Variants in C1QTNF7 observed in about 807,000 individuals in gnomAD.
The protein encoded by C1QTNF7 is C1q and TNF related 7.
A neutral mutation model predicts 19.6 loss-of-function variants in C1QTNF7; 15 were observed. That is an observed-to-expected ratio of 0.76 (90% CI 0.51 to 1.18). The LOEUF (loss-of-function observed/expected upper bound fraction) is 1.18. Among genes scored for constraint, C1QTNF7 ranks in the 50% most tolerant of loss-of-function variants. The probability of loss-of-function intolerance (pLI) is 0.00; values close to 1 mark genes in which losing one functional copy is unlikely to be tolerated. For synonymous variants in C1QTNF7, 142 were observed against 137.5 expected, an observed-to-expected ratio of 1.03 and a Z score of -0.23; for missense variants, 324 against 359.7, an observed-to-expected ratio of 0.90 and a Z score of 0.80.
intron 1 of C1QTNF7, among the ~76,000 whole-genome samples, chr4:15,416,177 C>T (rs1183250182): frequency 6.6e-6 from 1 of 152,170 alleles, no homozygotes; most frequent in Non-Finnish European, 1.5e-5. Context: ...TATAAATGTG[C>T]CTGCTCTTTA....
chr4:15,432,919 C>T (rs542495893), intron 1 of C1QTNF7, among the ~76,000 whole-genome samples: 2 of 152,272 alleles, frequency 1.3e-5, no homozygotes, highest in South Asian at 2.1e-4. Context: ...TACTGAATAT[C>T]GTTTCTTCCA....
chr4:15,357,871 T>G (rs1717201498), intron 1 of C1QTNF7, among the ~76,000 whole-genome samples: 1 of 152,216 alleles, frequency 6.6e-6, no homozygotes. Context: ...TCACTCATGA[T>G]TTTCCTCTCT....
chr4:15,370,835 T>G (rs545290260), intron 1 of C1QTNF7, among the ~76,000 whole-genome samples: 9 of 152,328 alleles, frequency 5.9e-5, no homozygotes, highest in African/African-American at 2.2e-4. Flanking sequence ...TCATTGGCCC[T>G]CCAAACAATT....
chr4:15,423,642 G>C (rs1026236285), upstream of C1QTNF7, among the ~76,000 whole-genome samples: 1 of 152,124 alleles, frequency 6.6e-6, no homozygotes, highest in Non-Finnish European at 1.5e-5. Context: ...AAAACCTCCC[G>C]TGGCCAACAG....
chr4:15,356,860 CT>C (rs1373645588), intron 1 of C1QTNF7, among the ~76,000 whole-genome samples: 2 of 150,394 alleles, frequency 1.3e-5, no homozygotes, highest in African/African-American at 2.4e-5. Context: ...TGATGATGAG[CT>C]TTTTTTCATG....
intron 1 of C1QTNF7, among the ~76,000 whole-genome samples, chr4:15,349,282 C>G (rs993175262): frequency 6.6e-6 from 1 of 152,160 alleles, no homozygotes; most frequent in African/African-American, 2.4e-5. Context: ...ACACTCCTTC[C>G]TCTCTCTTCA....
chr4:15,441,635 G>C (rs1410463004), intron 2 of C1QTNF7, among the ~76,000 whole-genome samples: 1 of 152,114 alleles, frequency 6.6e-6, no homozygotes, highest in Non-Finnish European at 1.5e-5. Flanking sequence ...AATTTGTCAG[G>C]ATTTAAATTA....
chr4:15,387,393 G>A (rs1381233627), intron 1 of C1QTNF7, among the ~76,000 whole-genome samples: 1 of 152,140 alleles, frequency 6.6e-6, no homozygotes, highest in Non-Finnish European at 1.5e-5. Context: ...GGCTAGACAA[G>A]ATCACCAAGG....
At chr4:15,374,842 C>A in intron 1 of C1QTNF7, 3 of 804,306 alleles carry the variant, frequency 3.7e-6, no homozygotes, top group Non-Finnish European at 4.5e-6. Context: ...TCTTTTGGCT[C>A]ATGTTGGTGT....
chr4:15,415,151 C>T (rs1258506297), intron 1 of C1QTNF7, among the ~76,000 whole-genome samples: 1 of 152,194 alleles, frequency 6.6e-6, no homozygotes, highest in Non-Finnish European at 1.5e-5. Flanking sequence ...ATCCAAGACT[C>T]TTTGCTTTCA....
At chr4:15,419,429 CAG>C (rs1711633759) in intron 1 of C1QTNF7, among the ~76,000 whole-genome samples, 1 of 152,020 alleles carries the variant, frequency 6.6e-6, no homozygotes, top group African/African-American at 2.4e-5. Flanking sequence ...CAAAACATAA[CAG>C]GGGAAAAACA....
At position 15,397,131 on chromosome 4, in the gene C1QTNF7, G is replaced by A. The variant is rs533798591; in HGVS notation, c.14-38605G>A. On this transcript the variant is annotated intron_variant, in intron 1 of 2. Transcript: ENST00000295297. Reference sequence around the variant, plus strand: ...AAGACTTGTTCACTACCATGAGAACGATATGAGGGAAACCGCCCCCGTGAT... The same window carrying A: ...AAGACTTGTTCACTACCATGAGAACAATATGAGGGAAACCGCCCCCGTGAT... Among the ~76,000 whole-genome samples, 12 of 152,256 alleles carry A rather than the reference G, an allele frequency of 7.9e-5. 1 individual carries two copies. In the South Asian group the frequency reaches 1.7e-3, roughly 21 times the overall value.
At chr4:15,376,328 A>C (rs191478946) in intron 1 of C1QTNF7, among the ~76,000 whole-genome samples, 20 of 152,362 alleles carry the variant, frequency 1.3e-4, no homozygotes, top group African/African-American at 4.1e-4. Flanking sequence ...GGAAATATTT[A>C]CTGAGCATTT....
intron 1 of C1QTNF7, among the ~76,000 whole-genome samples, chr4:15,376,022 T>G (rs1257231427): frequency 6.6e-6 from 1 of 152,224 alleles, no homozygotes; most frequent in Non-Finnish European, 1.5e-5. Flanking sequence ...TATGTAGCCC[T>G]TTCTCAAGCA....
At position 15,436,537 on chromosome 4, in the gene C1QTNF7, A is replaced by T. The variant is rs565733776; in HGVS notation, c.238+556A>T. Among the ~76,000 whole-genome samples the T allele has an allele frequency of 2.0e-5, 3 of 152,386 alleles. No individual in the cohort carries two copies. The South Asian group carries it at 6.2e-4, about 32-fold the overall frequency. ...TATTTTTCACAGATGAAGTGACAAT[A>T]GCACTGTAAAGCCTACCTTTCCTAG... On this transcript the variant is annotated intron_variant, in intron 2 of 2. Transcript: ENST00000444304.
intron 1 of C1QTNF7, among the ~76,000 whole-genome samples, chr4:15,351,731 A>G (rs982314343): frequency 5.3e-5 from 8 of 152,188 alleles, no homozygotes; most frequent in African/African-American, 1.7e-4. Context: ...GCAGTGGCCA[A>G]TGGTGTGGAA....
intron 1 of C1QTNF7, among the ~76,000 whole-genome samples, chr4:15,411,198 TACTA>T (rs1013966427): frequency 8.5e-5 from 13 of 152,106 alleles, no homozygotes; most frequent in African/African-American, 1.9e-4. Flanking sequence ...CCTAAACATA[TACTA>T]ACTTTTTCCC....
intron 1 of C1QTNF7, among the ~76,000 whole-genome samples, chr4:15,356,129 C>T (rs1336222853): frequency 6.6e-6 from 1 of 151,810 alleles, no homozygotes; most frequent in Admixed American, 6.6e-5. Context: ...ATTTTAAGTT[C>T]TAGGATACAT....
intron 1 of C1QTNF7, among the ~76,000 whole-genome samples, chr4:15,396,833 T>C (rs913743162): frequency 6.6e-6 from 1 of 152,136 alleles, no homozygotes; most frequent in African/African-American, 2.4e-5. Context: ...TAAACTTTCC[T>C]GTAGTTCCAG....
Sources: allele counts gnomAD v4.1 joint callset (sites outside exome capture counted in the v4.1 genomes callset), GRCh38; gene constraint gnomAD v4.1.1; transcripts MANE v1.5; gene names NCBI Gene and HGNC (gene_info 2026-07-23, HGNC 2026-07-21).